Variants in IQGAP1 observed in about 807,000 individuals in gnomAD.
The protein encoded by IQGAP1 is IQ motif containing GTPase activating protein 1, also known as ras GTPase-activating-like protein IQGAP1.
Under a neutral mutation model 215.6 loss-of-function variants are expected in IQGAP1, and 66 were observed. The ratio of observed to expected loss-of-function variants is 0.31; its 90% confidence interval spans 0.25 to 0.38. The LOEUF is 0.38. IQGAP1 is among the 10% of genes least tolerant of loss of function. The probability of loss-of-function intolerance (pLI) is 1.00; values close to 1 mark genes in which losing one functional copy is unlikely to be tolerated. For missense variants in IQGAP1, 1,712 were observed against 1,997.1 expected, an observed-to-expected ratio of 0.86 and a Z score of 2.72; for synonymous variants, 772 against 728.7, an observed-to-expected ratio of 1.06 and a Z score of -0.96.
intron 2 of IQGAP1, among the ~76,000 whole-genome samples, chr15:90,394,598 G>A (rs1001090378): frequency 6.6e-6 from 1 of 152,000 alleles, no homozygotes; most frequent in Non-Finnish European, 1.5e-5. Flanking sequence ...TGTGTGTTCC[G>A]AGGGCCCCTC....
chr15:90,462,003 A>AGG (rs1965770316), intron 15 of IQGAP1, among the ~76,000 whole-genome samples: 1 of 880 alleles, frequency 1.1e-3, no homozygotes, highest in African/African-American at 5.5e-3. Flanking sequence ...AAAAAAAGAA[A>AGG]AAAAAAAAAT....
intron 2 of IQGAP1, among the ~76,000 whole-genome samples, chr15:90,409,676 CT>C (rs1349936945): frequency 6.6e-6 from 1 of 152,188 alleles, no homozygotes; most frequent in African/African-American, 2.4e-5. Flanking sequence ...TGCCCTGCCC[CT>C]ATATTCACTT....
At chr15:90,419,706 T>C (rs937143173) in intron 2 of IQGAP1, among the ~76,000 whole-genome samples, 3 of 152,210 alleles carry the variant, frequency 2.0e-5, no homozygotes, top group African/African-American at 7.2e-5. Context: ...TATGGAATTA[T>C]AAAGTTTAGC....
At chr15:90,444,860 G>A (rs1965504569) in intron 9 of IQGAP1, among the ~76,000 whole-genome samples, 1 of 152,130 alleles carries the variant, frequency 6.6e-6, no homozygotes, top group Non-Finnish European at 1.5e-5. Flanking sequence ...AAAGGAATCT[G>A]GGCCAGGCAA....
intron 33 of IQGAP1, among the ~76,000 whole-genome samples, chr15:90,491,041 C>A (rs1966196473): frequency 6.6e-6 from 1 of 152,172 alleles, no homozygotes; most frequent in African/African-American, 2.4e-5. Context: ...GAACTCCTGA[C>A]CTCATGATCC....
Position 90,472,829 on chromosome 15 carries a change from T to C in IQGAP1, c.2179-11T>C. The stretch of plus-strand genomic sequence containing the variant: ...TGTGAATGTCTTTGAATGTGACCAC[T>C]GCTTTTTCAGAGTTCTATCTCTGGG... On this transcript the variant is annotated splice_polypyrimidine_tract_variant and intron_variant, in intron 18 of 37. Transcript: ENST00000268182. 1 of 1,595,862 alleles carries C rather than the reference T, an allele frequency of 6.3e-7. No homozygotes were observed. Among genetic ancestry groups the C allele is most frequent in the Non-Finnish European group, 8.6e-7 (1 of 1,168,848 alleles).
intron 5 of IQGAP1, among the ~76,000 whole-genome samples, chr15:90,437,164 A>AAG (rs1162393297): frequency 1.3e-5 from 2 of 152,238 alleles, no homozygotes; most frequent in Admixed American, 1.3e-4. Context: ...GAACAAGAGG[A>AAG]AGAGAGAGGT....
At chr15:90,415,737 C>T (rs181599241) in intron 2 of IQGAP1, among the ~76,000 whole-genome samples, 458 of 152,262 alleles carry the variant, frequency 3.0e-3, no homozygotes, top group Admixed American at 4.6e-3. Context: ...CATTCTCTTT[C>T]CACCATTGTC....
At chr15:90,498,122 G>A (rs1193235710) in intron 37 of IQGAP1, among the ~76,000 whole-genome samples, 1 of 139,478 alleles carries the variant, frequency 7.2e-6, no homozygotes, top group African/African-American at 2.7e-5. Flanking sequence ...CCCCAGCCAA[G>A]CCATAATAGG....
rs759640577 is a variant in IQGAP1 at position 90,483,345 on chromosome 15, G to GT, written c.3556-13dup. On this transcript the variant is annotated splice_polypyrimidine_tract_variant and intron_variant, in intron 28 of 37. Transcript: ENST00000268182. ...TATGTCTTTTAATACCCATCTTTCT[G>GT]TTTCGTCTGTTCCAGATTATTGGTA... 1 of 1,584,736 alleles carries GT rather than the reference G, an allele frequency of 6.3e-7. No homozygotes were observed. The highest frequency in any genetic ancestry group is 2.2e-5 in the East Asian group (1 of 44,690).
chr15:90,405,839 G>A (rs1326488696), intron 2 of IQGAP1, among the ~76,000 whole-genome samples: 1 of 139,306 alleles, frequency 7.2e-6, no homozygotes, highest in Non-Finnish European at 1.5e-5. Context: ...TTTTATTTTT[G>A]GACTCTAAGA....
At chr15:90,465,872 C>A in intron 15 of IQGAP1, 129 bp from the exon 16 acceptor site, 2 of 726,822 alleles carry the variant, frequency 2.8e-6, no homozygotes, top group Admixed American at 2.2e-5. Flanking sequence ...TTTGACTAAC[C>A]CACGTGTCTC....
intron 15 of IQGAP1, among the ~76,000 whole-genome samples, chr15:90,458,408 T>C (rs1965716543): frequency 6.6e-6 from 1 of 152,330 alleles, no homozygotes; most frequent in Non-Finnish European, 1.5e-5. Flanking sequence ...GTATCTTCAA[T>C]CTACTTCCCT....
intron 33 of IQGAP1, among the ~76,000 whole-genome samples, chr15:90,489,982 C>A (rs1486309694): frequency 6.6e-6 from 1 of 152,158 alleles, no homozygotes; most frequent in South Asian, 2.1e-4. Context: ...AGTGACAGAA[C>A]CGGAGGTGGA....
chr15:90,432,811 T>C (rs908438718), intron 4 of IQGAP1, among the ~76,000 whole-genome samples: 5 of 152,188 alleles, frequency 3.3e-5, no homozygotes, highest in Admixed American at 3.3e-4. Context: ...TTATTCAGTC[T>C]TTTGCTTCTC....
At chr15:90,450,116 C>A (rs555815924) in intron 11 of IQGAP1, among the ~76,000 whole-genome samples, 1 of 152,042 alleles carries the variant, frequency 6.6e-6, no homozygotes, top group Admixed American at 6.6e-5. Flanking sequence ...AATTTTGTAC[C>A]CGTTAGCCAA....
In IQGAP1 at chr15:90,405,163, C is replaced by T. The variant is rs577128187; in HGVS notation, c.155+14290C>T. On this transcript the variant is annotated intron_variant, in intron 2 of 37. Transcript: ENST00000268182. ...TTGAATCGTATTTTACATTTTGAGT[C>T]TTAGCAGTGTCTTAGGAAATGTGCT... is the stretch of plus-strand genomic sequence containing the variant. 1.1e-4 allele frequency among the ~76,000 whole-genome samples: 17 copies of T among 152,214 alleles called. No homozygotes were observed. In the East Asian group the frequency reaches 3.3e-3, roughly 29 times the overall value.
chr15:90,452,578 A>G (rs1310019705), intron 11 of IQGAP1, among the ~76,000 whole-genome samples, 197 bp from the exon 12 acceptor site: 1 of 152,164 alleles, frequency 6.6e-6, no homozygotes, highest in African/African-American at 2.4e-5. Context: ...AAACATCTTG[A>G]TTGAGACATG....
Position 90,491,489 on chromosome 15 carries a change from C to G in IQGAP1, c.4405C>G (p.Leu1469Val). 4 of 1,614,162 alleles carry G rather than the reference C, an allele frequency of 2.5e-6. No individual in the cohort carries two copies. Among genetic ancestry groups the G allele is most frequent in the Non-Finnish European group, 3.4e-6 (4 of 1,180,018 alleles). Reference protein sequence around the residue: ...IQTGLKKLTELGTVDPKNKYQ... With the variant: ...IQTGLKKLTEVGTVDPKNKYQ... ...GACAGGTTTAAAGAAGCTAACAGAG[C>G]TTGGAACCGTGGACCCAAAGAACAA... is the stretch of plus-strand genomic sequence containing the variant. The change falls in exon 34 of 38, where the codon CTT (leucine) becomes GTT (valine). Residue 1469 changes from leucine (L) to valine (V), a missense_variant. Transcript: ENST00000268182.
Sources: gnomAD v4.1 joint callset for allele counts (sites outside exome capture counted in the v4.1 genomes callset) on GRCh38, gnomAD v4.1.1 for gene constraint, MANE v1.5 for transcripts, NCBI Gene and HGNC (gene_info 2026-07-23, HGNC 2026-07-21) for gene names.